TCP11: variants seen among roughly 807,000 people sequenced by gnomAD.
TCP11 encodes the protein T-complex protein 11 homolog.
In TCP11, 34 loss-of-function variants were observed where a neutral mutation model predicts 45.0. That is an observed-to-expected ratio of 0.76 (90% CI 0.57 to 1.01). The LOEUF is 1.01. Among genes scored for constraint, TCP11 ranks in the 50% least tolerant of loss-of-function variants. The probability of loss-of-function intolerance (pLI) is 0.00; values close to 1 mark genes in which losing one functional copy is unlikely to be tolerated. For synonymous variants in TCP11, 227 were observed against 227.0 expected, an observed-to-expected ratio of 1.00 and a Z score of 0.00; for missense variants, 523 against 598.1, an observed-to-expected ratio of 0.87 and a Z score of 1.31.
In TCP11 at chr6:35,122,296, T is replaced by C. The variant is rs1331852719; in HGVS notation, c.399A>G (p.Arg133=). ...SLLLPRQNRL[R]IEIEEALDMD... ...TGTCCAGAGCTTCTTCAATCTCAAT[T>C]CTCAGGCGGTTCTGGCGTGGTAATA... Residue 133 remains arginine (R), a synonymous_variant, in exon 5 of 10, where the codon AGA becomes AGG. Transcript: ENST00000311875. 1 of 1,613,952 alleles carries C rather than the reference T, an allele frequency of 6.2e-7. No individual in the cohort carries two copies. The highest frequency in any genetic ancestry group is 1.3e-5 in the African/African-American group (1 of 74,868).
At chr6:35,133,540 C>G (rs1272268727) in intron 3 of TCP11, among the ~76,000 whole-genome samples, 1 of 151,876 alleles carries the variant, frequency 6.6e-6, no homozygotes, top group African/African-American at 2.4e-5. Flanking sequence ...GCCTGTAATC[C>G]TGGCACTTTG....
At chr6:35,136,314 A>C in intron 2 of TCP11, 96 bp from the exon 3 acceptor site, 1 of 873,590 alleles carries the variant, frequency 1.1e-6, no homozygotes. Context: ...GATTAATCAA[A>C]CTGGTCTTAC....
rs992669682 is a variant in TCP11, at chr6:35,120,673, C to A, written c.716-27G>T. 2.3e-5 allele frequency: 36 copies of A among 1,588,016 alleles called. No individual in the cohort carries two copies. The highest frequency in any genetic ancestry group is 3.0e-5 in the Non-Finnish European group (35 of 1,164,372). The stretch of plus-strand genomic sequence containing the variant: ...TATGACAGGTAAGGGAGTGTGTAAG[C>A]ATCTTTAGCATCTTCATCTCTGAGG... On this transcript the variant is annotated intron_variant, in intron 6 of 9. Coordinates refer to ENST00000311875, the MANE Select transcript of TCP11 (RefSeq NM_001370687.1). The surrounding 1 kb of genome is among the most constrained non-coding windows in gnomAD (Gnocchi z 4.9).
intron 4 of TCP11, among the ~76,000 whole-genome samples, chr6:35,127,518 A>G (rs2127661746): frequency 6.6e-6 from 1 of 152,346 alleles, no homozygotes; most frequent in Middle Eastern, 3.4e-3. Context: ...ATAGATAACA[A>G]CTATAGCCTT....
intron 2 of TCP11, chr6:35,140,454 C>T (rs929700607): frequency 2.3e-5 from 13 of 557,656 alleles, no homozygotes; most frequent in Non-Finnish European, 4.3e-5. Flanking sequence ...ATCTATCTGC[C>T]AATCCCCCCT....
intron 3 of TCP11, among the ~76,000 whole-genome samples, chr6:35,129,548 T>C (rs1464354417): frequency 6.6e-6 from 1 of 152,248 alleles, no homozygotes; most frequent in African/African-American, 2.4e-5. Flanking sequence ...ATCTTTCATT[T>C]TCTTATACTC....
chr6:35,139,997 A>T (rs34103100), intron 2 of TCP11: 245,609 of 1,612,798 alleles, frequency 0.15, 20,974 homozygotes, highest in African/African-American at 0.29. Flanking sequence ...TGTGTGTACA[A>T]AAAAACGGAT....
chr6:35,120,495 T>C lies in TCP11; in HGVS notation c.867A>G (p.Thr289=). 1.2e-6 allele frequency: 2 copies of C among 1,613,502 alleles called. No homozygotes were observed. Among genetic ancestry groups the C allele is most frequent in the East Asian group, 4.5e-5 (2 of 44,870 alleles). The change falls in exon 7 of 10, where the codon ACA becomes ACG. Residue 289 remains threonine, a synonymous_variant. Coordinates refer to ENST00000311875, the MANE Select transcript of TCP11 (RefSeq NM_001370687.1). The surrounding 1 kb of genome is among the most constrained non-coding windows in gnomAD (Gnocchi z 4.9). ...TCAAGAAGCCCTGACACAGCACCAT[T>C]GTGGGGCTGAGGGGCTCTGGGTTGT... ...AANNPEPLSP[T]MVLCQGFLNL... is the part of the protein sequence containing the mutation.
intron 9 of TCP11, among the ~76,000 whole-genome samples, chr6:35,119,002 A>G (rs1778936101): frequency 6.6e-6 from 1 of 152,220 alleles, no homozygotes; most frequent in Non-Finnish European, 1.5e-5. Flanking sequence ...TCGGCTGGAC[A>G]TATCCCACAC....
intron 4 of TCP11, among the ~76,000 whole-genome samples, chr6:35,126,990 GC>G (rs1166277309): frequency 1.3e-5 from 2 of 151,998 alleles, no homozygotes; most frequent in African/African-American, 4.8e-5. Flanking sequence ...GTCCCCTAAT[GC>G]CAGAATACAT....
In TCP11 at chr6:35,120,109, C is replaced by G. The variant is rs1779055556; in HGVS notation, c.1115+50G>C. 6 of 1,581,704 alleles carry G rather than the reference C, an allele frequency of 3.8e-6. No individual in the cohort carries two copies. The highest frequency in any genetic ancestry group is 4.3e-6 in the Non-Finnish European group (5 of 1,162,234). On this transcript the variant is annotated intron_variant, in intron 8 of 9. Coordinates refer to ENST00000311875, the MANE Select transcript of TCP11 (RefSeq NM_001370687.1). This position sits in a 1 kb window ranked among gnomAD's most constrained non-coding sequence, Gnocchi z 4.9. ...CAATCGTTCATTACCTGCCTATGTTCTAAATACCACATATCACCTTCTACT... is the reference window on the plus strand; with the variant it reads ...CAATCGTTCATTACCTGCCTATGTTGTAAATACCACATATCACCTTCTACT...
At chr6:35,121,148 C>G in intron 5 of TCP11, 103 bp from the exon 6 acceptor site, 8 of 1,309,992 alleles carry the variant, frequency 6.1e-6, no homozygotes, top group Non-Finnish European at 8.2e-6. Flanking sequence ...TTAAGACTAA[C>G]TTAGTCTTAC....
intron 4 of TCP11, among the ~76,000 whole-genome samples, chr6:35,123,489 AT>A (rs1170777933): frequency 6.6e-6 from 1 of 151,432 alleles, no homozygotes; most frequent in Non-Finnish European, 1.5e-5. Context: ...CTTTTATAAT[AT>A]TTTTTTTCTT....
Position 35,120,545 on chromosome 6 carries a change from C to A in TCP11, c.817G>T (p.Gly273Cys). The A allele has an allele frequency of 6.2e-7, 1 of 1,614,002 alleles. No individual in the cohort carries two copies. The highest frequency in any genetic ancestry group is 8.5e-7 in the Non-Finnish European group (1 of 1,180,032). ...PDTSDSSSVA[G>C]PSPNEAANNP... ...TTGGCTGCCTCATTGGGAGAGGGGC[C>A]AGCCACACTGGAGGAGTCAGAAGTG... The change falls in exon 7 of 10, where the codon GGC becomes TGC. Residue 273 changes from glycine to cysteine, a missense_variant. Physicochemically the swap from Gly to Cys is radical, Grantham distance 159 (BLOSUM62 -3). Transcript: ENST00000311875. This position sits in a 1 kb window ranked among gnomAD's most constrained non-coding sequence, Gnocchi z 4.9.
intron 4 of TCP11, among the ~76,000 whole-genome samples, chr6:35,125,522 C>G (rs1254894946): frequency 6.6e-6 from 1 of 152,168 alleles, no homozygotes; most frequent in Admixed American, 6.6e-5. Context: ...CAAATGCTGG[C>G]TAGGATGTGG....
In TCP11 at chr6:35,118,193, T is replaced by C; in HGVS notation, c.*76A>G. 1 of 1,238,706 alleles carries C rather than the reference T, an allele frequency of 8.1e-7. No homozygotes were observed. 76.7% of individuals were successfully genotyped at this position (1,238,706 alleles called of 1,614,324 possible). On this transcript the variant is annotated 3_prime_UTR_variant, in exon 10 of 10. Coordinates refer to ENST00000311875, the MANE Select transcript of TCP11 (RefSeq NM_001370687.1). The stretch of plus-strand genomic sequence containing the variant: ...GGGATAGAAGCTCACTGTCTGCTGG[T>C]CACTGGTGATGTTACTCCAGGAAGA...
intron 2 of TCP11, 33 bp downstream of exon 2, chr6:35,140,714 A>AG: frequency 6.8e-7 from 1 of 1,479,462 alleles, no homozygotes; most frequent in Non-Finnish European, 9.1e-7. Context: ...AGCACCCCCT[A>AG]GGGGGCCACA....
intron 3 of TCP11, among the ~76,000 whole-genome samples, chr6:35,132,364 C>G (rs1228376852): frequency 1.3e-5 from 2 of 152,252 alleles, no homozygotes; most frequent in African/African-American, 4.8e-5. Flanking sequence ...CCACAGGTAG[C>G]TGAACACTCT....
chr6:35,121,515 T>C (rs539508238), intron 5 of TCP11, among the ~76,000 whole-genome samples: 2 of 151,338 alleles, frequency 1.3e-5, no homozygotes, highest in Non-Finnish European at 2.9e-5. Flanking sequence ...AGAGAAAACC[T>C]GGGAAAGGGC....
Sources: allele counts gnomAD v4.1 joint callset (sites outside exome capture counted in the v4.1 genomes callset), GRCh38; gene constraint gnomAD v4.1.1; non-coding constraint Gnocchi (gnomAD v3.1); transcripts MANE v1.5; gene names NCBI Gene and HGNC (gene_info 2026-07-23, HGNC 2026-07-21).